SYT1: variants seen among roughly 807,000 people sequenced by gnomAD.
SYT1 encodes the protein synaptotagmin-1.
In SYT1, 8 loss-of-function variants were observed where a neutral mutation model predicts 44.8. The observed-to-expected ratio is 0.18, with a 90% CI of 0.10 to 0.32. The LOEUF (loss-of-function observed/expected upper bound fraction) is 0.32. Ranked by LOEUF, SYT1 falls within the 10% of genes least tolerant of loss-of-function variation. SYT1 has a pLI of 1.00. For synonymous variants in SYT1, 154 were observed against 188.8 expected, an observed-to-expected ratio of 0.82 and a Z score of 1.51; for missense variants, 286 against 509.3, an observed-to-expected ratio of 0.56 and a Z score of 4.22.
At chr12:78,881,015 C>A (rs1463343140) in intron 1 of SYT1, among the ~76,000 whole-genome samples, 1 of 151,550 alleles carries the variant, frequency 6.6e-6, no homozygotes, top group Non-Finnish European at 1.5e-5. Flanking sequence ...TACAGTCCTG[C>A]TTTCTTCCAA....
At chr12:79,107,598 C>A (rs1878788747) in intron 3 of SYT1, among the ~76,000 whole-genome samples, 1 of 151,990 alleles carries the variant, frequency 6.6e-6, no homozygotes, top group Non-Finnish European at 1.5e-5. Flanking sequence ...CTTATTCTCT[C>A]CATTATTTTG....
chr12:78,965,137 T>G (rs1312545872), intron 1 of SYT1, among the ~76,000 whole-genome samples: 1 of 152,156 alleles, frequency 6.6e-6, no homozygotes, highest in African/African-American at 2.4e-5. Context: ...ATTCAAAAAT[T>G]TTATATTCAC....
At chr12:79,203,756 T>C (rs1189411952) in intron 3 of SYT1, among the ~76,000 whole-genome samples, 1 of 152,224 alleles carries the variant, frequency 6.6e-6, no homozygotes, top group Non-Finnish European at 1.5e-5. Flanking sequence ...TAGATACTGT[T>C]CATTCTTGTC....
chr12:79,171,498 A>G (rs1179983647), intron 3 of SYT1, among the ~76,000 whole-genome samples: 1 of 152,154 alleles, frequency 6.6e-6, no homozygotes, highest in African/African-American at 2.4e-5. Flanking sequence ...CTCCTACTAA[A>G]TAACTATAGA....
intron 3 of SYT1, among the ~76,000 whole-genome samples, chr12:79,179,491 ATC>A (rs1429015740): frequency 7.5e-6 from 1 of 132,776 alleles, no homozygotes; most frequent in African/African-American, 2.8e-5. Context: ...ATATAGATAT[ATC>A]TATATAGATA....
intron 1 of SYT1, among the ~76,000 whole-genome samples, chr12:78,904,721 A>G (rs1233945951): frequency 6.6e-6 from 1 of 152,200 alleles, no homozygotes; most frequent in Non-Finnish European, 1.5e-5. Flanking sequence ...TATGAGCCAT[A>G]GTCTATACAA....
Position 79,151,885 on chromosome 12 carries a change from T to C in SYT1, c.-17-65618T>C, listed in dbSNP as rs538752491. On this transcript the variant is annotated intron_variant, in intron 3 of 10. Transcript: ENST00000261205. ...TGATATGGAGTTCAGGAGAGAGAAA[T>C]TGGGGGCTTATCAGCAAAGTTGAAT... Among the ~76,000 whole-genome samples the C allele has an allele frequency of 9.7e-4, 147 of 152,022 alleles. 1 individual carries two copies. The highest frequency in any genetic ancestry group is 3.3e-3 in the African/African-American group (137 of 41,458).
chr12:79,111,626 T>C (rs1416114720), intron 3 of SYT1, among the ~76,000 whole-genome samples: 1 of 152,074 alleles, frequency 6.6e-6, no homozygotes, highest in Non-Finnish European at 1.5e-5. Flanking sequence ...CAACGCATTT[T>C]CTTATAATAC....
intron 9 of SYT1, among the ~76,000 whole-genome samples, chr12:79,429,746 G>A (rs907851034): frequency 3.9e-5 from 6 of 152,100 alleles, no homozygotes; most frequent in African/African-American, 1.2e-4. Context: ...AGCCAGGATG[G>A]TCTTCATCTC....
intron 1 of SYT1, among the ~76,000 whole-genome samples, chr12:78,937,673 T>C (rs554942503): frequency 5.9e-5 from 9 of 152,320 alleles, no homozygotes; most frequent in African/African-American, 2.2e-4. Flanking sequence ...GGTGTTTATG[T>C]GTCATTTTAG....
At chr12:79,104,554 G>T (rs1005021748) in intron 3 of SYT1, among the ~76,000 whole-genome samples, 3 of 151,838 alleles carry the variant, frequency 2.0e-5, no homozygotes, top group African/African-American at 7.3e-5. Context: ...GTATTAGTAG[G>T]CTATTAATAG....
chr12:79,085,807 T>C (rs532054183), intron 3 of SYT1, among the ~76,000 whole-genome samples: 132 of 152,238 alleles, frequency 8.7e-4, no homozygotes, highest in African/African-American at 3.2e-3. Flanking sequence ...AAATGTTAAA[T>C]ATGTAAACCT....
At chr12:79,158,498 C>T (rs1870741796) in intron 3 of SYT1, among the ~76,000 whole-genome samples, 1 of 152,150 alleles carries the variant, frequency 6.6e-6, no homozygotes, top group Admixed American at 6.6e-5. Context: ...AGGCCACACA[C>T]CAGTACTGGT....
chr12:78,916,022 T>C (rs886770896), intron 1 of SYT1, among the ~76,000 whole-genome samples: 1 of 152,064 alleles, frequency 6.6e-6, no homozygotes, highest in Non-Finnish European at 1.5e-5. Context: ...AATCGGATGT[T>C]TTTGTACCTA....
At chr12:78,964,442 C>A (rs1437465424) in intron 1 of SYT1, among the ~76,000 whole-genome samples, 1 of 152,064 alleles carries the variant, frequency 6.6e-6, no homozygotes, top group African/African-American at 2.4e-5. Flanking sequence ...AGGGTTACTG[C>A]ATTAAGCAGG....
chr12:79,046,786 A>G (rs1874096065), intron 2 of SYT1, among the ~76,000 whole-genome samples: 1 of 151,936 alleles, frequency 6.6e-6, no homozygotes, highest in South Asian at 2.1e-4. Flanking sequence ...TTATATCTAG[A>G]TATTGATTAG....
chr12:79,387,987 G>A (rs931452659), intron 9 of SYT1, among the ~76,000 whole-genome samples: 3 of 152,078 alleles, frequency 2.0e-5, no homozygotes, highest in African/African-American at 7.2e-5. Context: ...TTCTTTAAAA[G>A]TTACTTTGTT....
At chr12:79,020,257 C>T (rs1396715875) in intron 2 of SYT1, among the ~76,000 whole-genome samples, 4 of 151,826 alleles carry the variant, frequency 2.6e-5, no homozygotes, top group Non-Finnish European at 5.9e-5. Flanking sequence ...TCAGTTTAAC[C>T]AGCAGCATGT....
At chr12:79,214,252 A>G (rs1874643436) in intron 3 of SYT1, among the ~76,000 whole-genome samples, 1 of 152,186 alleles carries the variant, frequency 6.6e-6, no homozygotes, top group Admixed American at 6.5e-5. Context: ...TATATTTCTT[A>G]CAATCTTTTT....
Sources: allele counts gnomAD v4.1 joint callset (sites outside exome capture counted in the v4.1 genomes callset), GRCh38; gene constraint gnomAD v4.1.1; transcripts MANE v1.5; gene names NCBI Gene and HGNC (gene_info 2026-07-23, HGNC 2026-07-21).